RGS7: variants seen among roughly 807,000 people sequenced by gnomAD.
The protein encoded by RGS7 is regulator of G-protein signaling 7.
RGS7 carries 27 observed loss-of-function variants against 81.1 expected under a neutral mutation model. The ratio of observed to expected loss-of-function variants is 0.33; its 90% CI spans 0.25 to 0.46. The LOEUF (loss-of-function observed/expected upper bound fraction) is 0.46, where lower values mean the gene tolerates loss of function less well. RGS7 is among the 20% of genes least tolerant of loss of function. RGS7 has a pLI of 1.00. For missense variants in RGS7, 396 were observed against 607.4 expected, an observed-to-expected ratio of 0.65 and a Z score of 3.66; for synonymous variants, 208 against 207.7, an observed-to-expected ratio of 1.00 and a Z score of -0.01.
At chr1:241,047,287 T>G (rs1218572637) in intron 3 of RGS7, among the ~76,000 whole-genome samples, 2 of 152,146 alleles carry the variant, frequency 1.3e-5, no homozygotes, top group Non-Finnish European at 2.9e-5. Flanking sequence ...CTTCATAGTT[T>G]CCCCACAGCC....
rs370628639 is a variant in RGS7, at chr1:241,097,457, G to A, written c.175+1209C>T. On this transcript the variant is annotated intron_variant, in intron 3 of 18. Coordinates refer to ENST00000440928, the MANE Select transcript of RGS7 (RefSeq NM_001364886.1). ...GGTATCAAACCCCGACACGGAGGCC[G>A]CTTCCCTATTATTCCTGTCCTGATC... 7.2e-5 allele frequency among the ~76,000 whole-genome samples: 11 copies of A among 152,156 alleles called. No homozygotes were observed. The South Asian group carries it at 1.9e-3, about 26-fold the overall frequency.
chr1:241,010,543 G>A (rs1181953697), intron 3 of RGS7, among the ~76,000 whole-genome samples: 2 of 152,134 alleles, frequency 1.3e-5, no homozygotes, highest in Non-Finnish European at 1.5e-5. Flanking sequence ...TTTGTAACAT[G>A]CCAAGAATGA....
chr1:241,046,402 T>A (rs576043909), intron 3 of RGS7, among the ~76,000 whole-genome samples: 1 of 151,032 alleles, frequency 6.6e-6, no homozygotes, highest in Non-Finnish European at 1.5e-5. Flanking sequence ...AACCAAATAC[T>A]ACATGTTCTC....
chr1:240,881,305 C>T (rs1454648804), intron 6 of RGS7, among the ~76,000 whole-genome samples: 1 of 145,022 alleles, frequency 6.9e-6, no homozygotes, highest in Non-Finnish European at 1.5e-5. Context: ...ACAATGAGAA[C>T]ACTTGGACAC....
chr1:241,121,549 A>G (rs2066253203), intron 2 of RGS7, among the ~76,000 whole-genome samples: 1 of 152,108 alleles, frequency 6.6e-6, no homozygotes, highest in African/African-American at 2.4e-5. Flanking sequence ...TTCCAGGATA[A>G]TATGTCTGGG....
intron 3 of RGS7, among the ~76,000 whole-genome samples, chr1:241,052,068 T>C (rs116711143): frequency 0.012 from 1,839 of 152,234 alleles, 43 homozygotes; most frequent in African/African-American, 0.042. Context: ...ACATGTTATA[T>C]ACAGCAGACA....
intron 3 of RGS7, among the ~76,000 whole-genome samples, chr1:241,037,887 G>A (rs781725283): frequency 1.3e-5 from 2 of 152,144 alleles, no homozygotes; most frequent in Non-Finnish European, 1.5e-5. Context: ...AATATTGTAT[G>A]TTCTCACTTA....
chr1:241,294,834 T>C (rs182809230), intron 2 of RGS7, among the ~76,000 whole-genome samples: 54 of 152,140 alleles, frequency 3.5e-4, no homozygotes, highest in African/African-American at 1.3e-3. Context: ...GAGCAGGCTA[T>C]ACCATAAAGT....
chr1:240,787,296 T>C (rs888775764), intron 18 of RGS7, among the ~76,000 whole-genome samples: 4 of 152,222 alleles, frequency 2.6e-5, no homozygotes, highest in Non-Finnish European at 5.9e-5. Flanking sequence ...TACGACATTA[T>C]ATGTTTGCAA....
chr1:241,323,814 C>T (rs577088403), intron 2 of RGS7, among the ~76,000 whole-genome samples: 1 of 152,242 alleles, frequency 6.6e-6, no homozygotes, highest in South Asian at 2.1e-4. Flanking sequence ...TCACAATGTA[C>T]CTAAATTATT....
At position 241,048,965 on chromosome 1, in the gene RGS7, T is replaced by TGCG. The variant is rs1419486220; in HGVS notation, c.175+49698_175+49700dup. Among the ~76,000 whole-genome samples the TGCG allele has an allele frequency of 5.9e-5, 9 of 152,238 alleles. No homozygotes were observed. The East Asian group carries it at 1.7e-3, about 29-fold the overall frequency. ...TTGTTGACACTCCTCGGCTTGCAGC[T>TGCG]GCGGCACTTCAGTGTCTCCCTTCAT... On this transcript the variant is annotated intron_variant, in intron 3 of 18. Transcript: ENST00000440928.
intron 2 of RGS7, among the ~76,000 whole-genome samples, chr1:241,280,776 A>G (rs1253683778): frequency 6.6e-6 from 1 of 152,166 alleles, no homozygotes; most frequent in Non-Finnish European, 1.5e-5. Context: ...GCTGGGAGGG[A>G]TTACAAGCAT....
At chr1:241,223,038 G>GTGTA (rs1558206688) in intron 2 of RGS7, among the ~76,000 whole-genome samples, 1 of 151,992 alleles carries the variant, frequency 6.6e-6, no homozygotes, top group Non-Finnish European at 1.5e-5. Flanking sequence ...TGTATATGTG[G>GTGTA]CACATTTTCT....
At chr1:240,864,397 T>C (rs753324262) in intron 9 of RGS7, among the ~76,000 whole-genome samples, 2 of 152,224 alleles carry the variant, frequency 1.3e-5, no homozygotes, top group Non-Finnish European at 2.9e-5. Flanking sequence ...CTCCAGGACT[T>C]ACATATTTAA....
chr1:241,109,803 C>T (rs1207898128), intron 2 of RGS7, among the ~76,000 whole-genome samples: 1 of 151,650 alleles, frequency 6.6e-6, no homozygotes, highest in African/African-American at 2.4e-5. Flanking sequence ...ACTAAAAATA[C>T]AAAAATTAGC....
At chr1:241,150,118 TAA>T (rs2068641055) in intron 2 of RGS7, among the ~76,000 whole-genome samples, 1 of 152,162 alleles carries the variant, frequency 6.6e-6, no homozygotes, top group South Asian at 2.1e-4. Flanking sequence ...GCGTATGAGC[TAA>T]AGAGATCCTG....
At chr1:240,826,535 C>T (rs1288295755) in intron 10 of RGS7, among the ~76,000 whole-genome samples, 3 of 152,150 alleles carry the variant, frequency 2.0e-5, no homozygotes, top group Non-Finnish European at 4.4e-5. Context: ...TTCTTGTGTA[C>T]ATCAAGCGTG....
chr1:241,054,312 T>C (rs1558652503), intron 3 of RGS7, among the ~76,000 whole-genome samples: 1 of 152,162 alleles, frequency 6.6e-6, no homozygotes. Context: ...TTGTCCAAAA[T>C]GCAAATCTCA....
chr1:241,302,506 G>A (rs1031232682), intron 2 of RGS7, among the ~76,000 whole-genome samples: 7 of 152,084 alleles, frequency 4.6e-5, no homozygotes, highest in Admixed American at 1.3e-4. Flanking sequence ...CCAAGATCAC[G>A]CCACTGCACT....
Sources: allele counts gnomAD v4.1 joint callset (sites outside exome capture counted in the v4.1 genomes callset), GRCh38; gene constraint gnomAD v4.1.1; transcripts MANE v1.5; gene names NCBI Gene and HGNC (gene_info 2026-07-23, HGNC 2026-07-21).